Variants in EPHA6 observed in about 807,000 individuals in gnomAD.
EPHA6 encodes ephrin type-A receptor 6.
A neutral mutation model predicts 112.0 loss-of-function variants in EPHA6; 50 were observed. The ratio of observed to expected loss-of-function variants is 0.45; its 90% CI spans 0.36 to 0.56. The LOEUF (loss-of-function observed/expected upper bound fraction) is 0.56, where lower values mean the gene tolerates loss of function less well. Ranked by LOEUF, EPHA6 falls within the 20% of genes least tolerant of loss-of-function variation. EPHA6 has a pLI of 0.00. For missense variants in EPHA6, 1,280 were observed against 1,417.4 expected (o/e 0.90, Z 1.56); for synonymous variants, 529 against 490.7 (o/e 1.08, Z -1.03).
rs1431625569 is a variant in EPHA6, at chr3:97,475,459, A to C, written c.2002A>C (p.Arg668=). 3 of 1,600,382 alleles carry C rather than the reference A, an allele frequency of 1.9e-6. No individual in the cohort carries two copies. The highest frequency in any genetic ancestry group is 2.6e-6 in the Non-Finnish European group (3 of 1,169,250). The part of the protein sequence containing the change: ...ILTLFFLITG[R]CQWYIKAKMK... The stretch of plus-strand genomic sequence containing the variant: ...CACTTTATTCTTCTTGATCACTGGG[A>C]GGTAACTGAAACATACCATACTATT... The change falls in exon 8 of 18, where the codon AGA becomes CGA. Residue 668 remains arginine, a splice_region_variant and synonymous_variant. Coordinates refer to ENST00000389672, the MANE Select transcript of EPHA6 (RefSeq NM_001080448.3).
intron 3 of EPHA6, among the ~76,000 whole-genome samples, chr3:97,138,412 T>C (rs1250171404): frequency 4.6e-5 from 7 of 152,132 alleles, no homozygotes; most frequent in African/African-American, 1.7e-4. Context: ...CAGCTTCTAC[T>C]CCCATAGTTG....
intron 6 of EPHA6, among the ~76,000 whole-genome samples, chr3:97,407,181 A>T (rs1226291307): frequency 6.6e-6 from 1 of 152,066 alleles, no homozygotes; most frequent in Non-Finnish European, 1.5e-5. Context: ...ATAAATTAAT[A>T]TGATTCTAAA....
chr3:96,875,367 T>G (rs2107488437), intron 2 of EPHA6, among the ~76,000 whole-genome samples: 1 of 152,232 alleles, frequency 6.6e-6, no homozygotes, highest in East Asian at 1.9e-4. Flanking sequence ...TTTAAATATT[T>G]AATACTCGAG....
chr3:97,032,998 CAG>C (rs1234509793), intron 3 of EPHA6, among the ~76,000 whole-genome samples: 1 of 151,314 alleles, frequency 6.6e-6, no homozygotes, highest in Non-Finnish European at 1.5e-5. Flanking sequence ...GTATGGGAAT[CAG>C]AGTCACATTA....
intron 4 of EPHA6, among the ~76,000 whole-genome samples, chr3:97,235,199 T>A (rs2078645342): frequency 6.6e-6 from 1 of 152,198 alleles, no homozygotes; most frequent in South Asian, 2.1e-4. Context: ...TTTATTTATA[T>A]ACTTGCTTCC....
intron 5 of EPHA6, among the ~76,000 whole-genome samples, chr3:97,260,893 G>A (rs1348832586): frequency 6.6e-6 from 1 of 152,172 alleles, no homozygotes; most frequent in Non-Finnish European, 1.5e-5. Flanking sequence ...ATTGGCACAG[G>A]AATTTAAATG....
intron 3 of EPHA6, among the ~76,000 whole-genome samples, chr3:97,003,395 T>G (rs1247243213): frequency 1.3e-5 from 2 of 152,082 alleles, no homozygotes; most frequent in Non-Finnish European, 2.9e-5. Flanking sequence ...GGCCAATTTC[T>G]TAACTAAGCC....
chr3:97,543,707 T>C (rs1294369949), intron 11 of EPHA6, among the ~76,000 whole-genome samples: 3 of 152,096 alleles, frequency 2.0e-5, no homozygotes, highest in African/African-American at 7.3e-5. Flanking sequence ...TTTCACGATA[T>C]TGATTCTTCC....
intron 14 of EPHA6, among the ~76,000 whole-genome samples, chr3:97,651,546 G>A (rs916756330): frequency 6.6e-6 from 1 of 151,986 alleles, no homozygotes; most frequent in African/African-American, 2.4e-5. Context: ...GCTAATCAGT[G>A]AGGAATAATC....
At chr3:96,939,644 A>G (rs1319190445) in intron 2 of EPHA6, among the ~76,000 whole-genome samples, 1 of 152,072 alleles carries the variant, frequency 6.6e-6, no homozygotes, top group Non-Finnish European at 1.5e-5. Flanking sequence ...GCCTTGTGCT[A>G]GCTTTTGAAT....
chr3:97,035,489 G>T (rs1330283045), intron 3 of EPHA6, among the ~76,000 whole-genome samples: 4 of 151,714 alleles, frequency 2.6e-5, no homozygotes, highest in Non-Finnish European at 4.4e-5. Flanking sequence ...ACAGTGATAT[G>T]CTCCTTCTAG....
intron 3 of EPHA6, among the ~76,000 whole-genome samples, chr3:97,178,106 TTA>T (rs1488337199): frequency 5.9e-5 from 9 of 152,030 alleles, no homozygotes; most frequent in Non-Finnish European, 1.3e-4. Context: ...CTTTTTGTTT[TTA>T]TGTTTTTGTG....
intron 2 of EPHA6, among the ~76,000 whole-genome samples, chr3:96,986,154 C>A (rs2043013718): frequency 6.6e-6 from 1 of 152,052 alleles, no homozygotes; most frequent in Admixed American, 6.6e-5. Flanking sequence ...TCTAAATTTA[C>A]AGTATAGAAG....
chr3:97,311,082 T>G (rs750023853), intron 5 of EPHA6, among the ~76,000 whole-genome samples: 32 of 151,580 alleles, frequency 2.1e-4, no homozygotes, highest in Admixed American at 1.3e-4. Flanking sequence ...TCTGGTAAGT[T>G]AGTGTTTTTT....
At chr3:97,661,087 T>C (rs2094166830) in intron 14 of EPHA6, among the ~76,000 whole-genome samples, 2 of 152,148 alleles carry the variant, frequency 1.3e-5, no homozygotes. Flanking sequence ...AAAATATTAG[T>C]TCCCTGCTCT....
At chr3:97,486,483 C>T (rs549303493) in intron 10 of EPHA6, among the ~76,000 whole-genome samples, 1 of 152,268 alleles carries the variant, frequency 6.6e-6, no homozygotes, top group Admixed American at 6.5e-5. Context: ...TTTTTAGGCT[C>T]AAGGTCCTGG....
At chr3:97,024,223 T>G (rs973423632) in intron 3 of EPHA6, among the ~76,000 whole-genome samples, 3 of 152,176 alleles carry the variant, frequency 2.0e-5, no homozygotes, top group African/African-American at 7.2e-5. Flanking sequence ...TGGCAAAATA[T>G]GTAAATATTT....
chr3:97,464,886 A>G (rs761856694), intron 7 of EPHA6, among the ~76,000 whole-genome samples: 4 of 152,104 alleles, frequency 2.6e-5, no homozygotes, highest in Non-Finnish European at 4.4e-5. Flanking sequence ...ATGATTTTCA[A>G]TTTGATAAAG....
chr3:97,246,914 C>T (rs2079002886), intron 5 of EPHA6, among the ~76,000 whole-genome samples: 2 of 151,862 alleles, frequency 1.3e-5, no homozygotes, highest in South Asian at 4.1e-4. Flanking sequence ...TATCAGATAT[C>T]CTTTCCATTT....
Sources: gnomAD v4.1 joint callset for allele counts (sites outside exome capture counted in the v4.1 genomes callset) on GRCh38, gnomAD v4.1.1 for gene constraint, MANE v1.5 for transcripts, NCBI Gene and HGNC (gene_info 2026-07-23, HGNC 2026-07-21) for gene names.